The following RBMS3 variants were observed in gnomAD, a reference collection of about 807,000 sequenced individuals.
The protein encoded by RBMS3 is RNA binding motif single stranded interacting protein 3.
In RBMS3, 27 loss-of-function variants were observed where a neutral mutation model predicts 66.8. The ratio of observed to expected loss-of-function variants is 0.40; its 90% CI spans 0.30 to 0.56. RBMS3 has a LOEUF of 0.56. Ranked by LOEUF, RBMS3 falls within the 20% of genes least tolerant of loss-of-function variation. The probability of loss-of-function intolerance (pLI) is 0.40; values close to 1 mark genes in which losing one functional copy is unlikely to be tolerated. For missense variants in RBMS3, 513 were observed against 549.5 expected, an observed-to-expected ratio of 0.93 and a Z score of 0.66; for synonymous variants, 188 against 183.0, an observed-to-expected ratio of 1.03 and a Z score of -0.22.
chr3:29,847,509 G>GC (rs1258553446), intron 6 of RBMS3, among the ~76,000 whole-genome samples: 1 of 152,118 alleles, frequency 6.6e-6, no homozygotes, highest in Admixed American at 6.6e-5. Flanking sequence ...TTGAGTCAGT[G>GC]CCACAATGCA....
chr3:29,689,917 CAAAAAAAAAAAAAAAAAAA>C lies in RBMS3; in HGVS notation c.400-49783_400-49765del, dbSNP rs66580293. Among the ~76,000 whole-genome samples, 116 of 27,730 alleles carry C rather than the reference CAAAAAAAAAAAAAAAAAAA, an allele frequency of 4.2e-3. 1 individual carries two copies. Among genetic ancestry groups the C allele is most frequent in the African/African-American group, 8.3e-3 (82 of 9,826 alleles). 18.2% of individuals were successfully genotyped at this position (27,730 alleles called of 152,430 possible). A position where few individuals can be genotyped will look rare whatever the true frequency, so the allele number is the denominator to read the frequency against. ...CAACATAGCAAGATCCTATCTCTACCAAAAAAAAAAAAAAAAAAAAAAAAAAAAAAAAAAAAAAGTGAAA... is the reference window on the plus strand; with the variant it reads ...CAACATAGCAAGATCCTATCTCTACCAAAAAAAAAAAAAAAAAAAGTGAAA... On this transcript the variant is annotated intron_variant, in intron 4 of 14. Coordinates refer to ENST00000383767, the MANE Select transcript of RBMS3 (RefSeq NM_001003793.3).
chr3:29,731,146 T>G (rs1277224526), intron 4 of RBMS3: 2 of 484,990 alleles, frequency 4.1e-6, no homozygotes, highest in Admixed American at 6.4e-5. Context: ...GATCAGTGGT[T>G]CAACACTGGG....
intron 1 of RBMS3, among the ~76,000 whole-genome samples, chr3:29,375,744 ATGT>A (rs976896663): frequency 6.6e-6 from 1 of 152,202 alleles, no homozygotes; most frequent in Non-Finnish European, 1.5e-5. Context: ...ACACTTTTAC[ATGT>A]TGGTGAAAGT....
intron 6 of RBMS3, among the ~76,000 whole-genome samples, chr3:29,794,741 G>A (rs1382163295): frequency 6.6e-6 from 1 of 152,136 alleles, no homozygotes; most frequent in Non-Finnish European, 1.5e-5. Context: ...AGAGATCTTT[G>A]ACTGCCTTGA....
intron 4 of RBMS3, among the ~76,000 whole-genome samples, chr3:29,663,351 A>G (rs1300343382): frequency 6.6e-6 from 1 of 152,194 alleles, no homozygotes; most frequent in African/African-American, 2.4e-5. Flanking sequence ...ATCCAATTAT[A>G]ATTTCTTGCA....
At chr3:29,941,492 A>G (rs964555009) in intron 11 of RBMS3, among the ~76,000 whole-genome samples, 1 of 151,832 alleles carries the variant, frequency 6.6e-6, no homozygotes, top group African/African-American at 2.4e-5. Context: ...CTCAAATACA[A>G]AACAGAAAAT....
At chr3:29,733,231 G>C (rs1232942665) in intron 4 of RBMS3, among the ~76,000 whole-genome samples, 1 of 151,964 alleles carries the variant, frequency 6.6e-6, no homozygotes, top group Non-Finnish European at 1.5e-5. Context: ...CACTGCTCAA[G>C]ATAATTCATC....
At chr3:29,546,662 A>C (rs551048877) in intron 3 of RBMS3, among the ~76,000 whole-genome samples, 3 of 152,218 alleles carry the variant, frequency 2.0e-5, no homozygotes, top group Non-Finnish European at 4.4e-5. Flanking sequence ...CTAGTAGCAC[A>C]GTGGGGATGC....
intron 3 of RBMS3, among the ~76,000 whole-genome samples, chr3:29,567,335 G>A (rs1325825521): frequency 2.0e-5 from 3 of 152,128 alleles, no homozygotes; most frequent in African/African-American, 4.8e-5. Context: ...TCTTGGCACT[G>A]GAGCCCACAT....
intron 4 of RBMS3, among the ~76,000 whole-genome samples, chr3:29,719,482 G>A (rs1360078495): frequency 6.6e-6 from 1 of 151,990 alleles, no homozygotes; most frequent in Non-Finnish European, 1.5e-5. Context: ...CCAAACTAAG[G>A]CTATAAAACC....
At chr3:29,744,091 C>T (rs1047995940) in intron 5 of RBMS3, among the ~76,000 whole-genome samples, 1 of 152,018 alleles carries the variant, frequency 6.6e-6, no homozygotes, top group African/African-American at 2.4e-5. Context: ...AGAACTATTG[C>T]TTTAAAGTTG....
intron 4 of RBMS3, among the ~76,000 whole-genome samples, chr3:29,661,151 A>G (rs1276270864): frequency 6.6e-6 from 1 of 152,176 alleles, no homozygotes; most frequent in Non-Finnish European, 1.5e-5. Flanking sequence ...ACCACAATTT[A>G]TCATCCAAGC....
chr3:29,756,487 A>G (rs923612690), intron 5 of RBMS3, among the ~76,000 whole-genome samples: 1 of 152,300 alleles, frequency 6.6e-6, no homozygotes, highest in Admixed American at 6.5e-5. Flanking sequence ...AGTAGGCAAG[A>G]GAGTGTGTGC....
At chr3:29,636,743 A>G (rs1159299842) in intron 4 of RBMS3, among the ~76,000 whole-genome samples, 2 of 151,936 alleles carry the variant, frequency 1.3e-5, no homozygotes, top group Non-Finnish European at 2.9e-5. Flanking sequence ...CACATGGTAA[A>G]TGAAAGCATT....
At chr3:29,480,070 A>G (rs2043078730) in intron 2 of RBMS3, among the ~76,000 whole-genome samples, 1 of 152,254 alleles carries the variant, frequency 6.6e-6, no homozygotes, top group Admixed American at 6.5e-5. Flanking sequence ...GCATACAAGG[A>G]GAAATATCTA....
intron 4 of RBMS3, among the ~76,000 whole-genome samples, chr3:29,638,618 C>T (rs1391647955): frequency 1.3e-5 from 2 of 151,824 alleles, no homozygotes; most frequent in African/African-American, 2.4e-5. Flanking sequence ...TTCTTGCCGT[C>T]CTGGAACTAC....
intron 6 of RBMS3, among the ~76,000 whole-genome samples, chr3:29,819,918 G>A (rs1322626711): frequency 6.6e-6 from 1 of 152,094 alleles, no homozygotes; most frequent in African/African-American, 2.4e-5. Flanking sequence ...AGTGAGGCCA[G>A]GTGCAGTGGC....
chr3:29,853,843 C>T (rs1182910615), intron 6 of RBMS3, among the ~76,000 whole-genome samples: 1 of 152,056 alleles, frequency 6.6e-6, no homozygotes, highest in African/African-American at 2.4e-5. Flanking sequence ...TCTTTGGGGT[C>T]TCCACCCCCT....
At chr3:29,494,897 A>G (rs1263760318) in intron 3 of RBMS3, among the ~76,000 whole-genome samples, 1 of 151,918 alleles carries the variant, frequency 6.6e-6, no homozygotes, top group East Asian at 1.9e-4. Flanking sequence ...TAACCATAGG[A>G]TATAAGAGTA....
Sources: gnomAD v4.1 joint callset for allele counts (sites outside exome capture counted in the v4.1 genomes callset) on GRCh38, gnomAD v4.1.1 for gene constraint, MANE v1.5 for transcripts, NCBI Gene and HGNC (gene_info 2026-07-23, HGNC 2026-07-21) for gene names.